Variants in TEX26 observed in about 807,000 individuals in gnomAD.
TEX26 encodes testis-expressed protein 26.
In TEX26, 34 loss-of-function variants were observed where a neutral mutation model predicts 35.3. The observed-to-expected ratio is 0.96, with a 90% CI of 0.73 to 1.28. The LOEUF is 1.28. Among genes scored for constraint, TEX26 ranks in the 50% most tolerant of loss-of-function variants. The probability of loss-of-function intolerance (pLI) is 0.00; values close to 1 mark genes in which losing one functional copy is unlikely to be tolerated. For synonymous variants in TEX26, 136 were observed against 111.8 expected (o/e 1.22, Z -1.36); for missense variants, 371 against 330.1 (o/e 1.12, Z -0.96).
intron 4 of TEX26, among the ~76,000 whole-genome samples, chr13:30,960,851 CAA>C (rs1954313754): frequency 6.6e-6 from 1 of 152,210 alleles, no homozygotes; most frequent in Admixed American, 6.5e-5. Flanking sequence ...TAATAAAACT[CAA>C]GTTTCACTTT....
At chr13:30,969,831 AG>A (rs1954656845) in intron 6 of TEX26, among the ~76,000 whole-genome samples, 1 of 151,006 alleles carries the variant, frequency 6.6e-6, no homozygotes, top group Non-Finnish European at 1.5e-5. Context: ...AAACTGTTAC[AG>A]AAGGAAGTAA....
At chr13:30,938,776 T>C (rs1191839965) in intron 1 of TEX26, among the ~76,000 whole-genome samples, 2 of 152,218 alleles carry the variant, frequency 1.3e-5, no homozygotes, top group African/African-American at 4.8e-5. Flanking sequence ...ACTTTCAGGA[T>C]GCCACTGGCT....
At chr13:30,972,861 T>G (rs1247260877) in intron 6 of TEX26, among the ~76,000 whole-genome samples, 2 of 152,246 alleles carry the variant, frequency 1.3e-5, no homozygotes, top group African/African-American at 4.8e-5. Flanking sequence ...GGTCTCAAAC[T>G]CCTGGCCTCA....
At chr13:30,957,086 A>T in intron 4 of TEX26, 57 bp downstream of exon 4, 1 of 1,548,954 alleles carries the variant, frequency 6.5e-7, no homozygotes, top group Non-Finnish European at 8.8e-7. Flanking sequence ...CTGGAGTTGC[A>T]GTGGTCGGCA....
intron 6 of TEX26, 93 bp downstream of exon 6, chr13:30,969,139 A>C: frequency 8.9e-7 from 1 of 1,128,400 alleles, no homozygotes; most frequent in East Asian, 2.5e-5. Flanking sequence ...CTGGAGTTGA[A>C]TGCCCACAAA....
chr13:30,956,436 C>CAAG (rs1458586237), intron 3 of TEX26, among the ~76,000 whole-genome samples: 3 of 152,090 alleles, frequency 2.0e-5, no homozygotes, highest in Non-Finnish European at 2.9e-5. Context: ...TTGGAGGTGA[C>CAAG]AAGAGAGTGC....
intron 6 of TEX26, among the ~76,000 whole-genome samples, chr13:30,973,869 G>C (rs2138364195): frequency 6.6e-6 from 1 of 152,148 alleles, no homozygotes; most frequent in South Asian, 2.1e-4. Context: ...ATGATTAGAG[G>C]CTGGGTGCGG....
chr13:30,966,149 A>G (rs1954517218), intron 4 of TEX26, 73 bp from the exon 5 acceptor site: 3 of 1,555,216 alleles, frequency 1.9e-6, no homozygotes, highest in Non-Finnish European at 2.6e-6. Flanking sequence ...ATACCTCTAA[A>G]CACAGCAAGA....
chr13:30,956,184 G>A (rs1954121406), intron 3 of TEX26, among the ~76,000 whole-genome samples: 1 of 104,252 alleles, frequency 9.6e-6, no homozygotes. Flanking sequence ...CCCCACAACA[G>A]GCCCCGGTGT....
Position 30,932,748 on chromosome 13 carries a change from C to G in TEX26, c.33C>G (p.Pro11=), listed in dbSNP as rs1471496876. ...AGCCTGGGCCCAGGGCTCCGGATCCCTCTCTCTGCCACCACAACCTCCAGC... is the reference window on the plus strand; with the variant it reads ...AGCCTGGGCCCAGGGCTCCGGATCCGTCTCTCTGCCACCACAACCTCCAGC... The part of the protein sequence containing the change: MEQPGPRAPD[P]SLCHHNLQPT... Residue 11 remains proline, a synonymous_variant, in exon 1 of 7, where the codon CCC becomes CCG. Transcript: ENST00000380473. 1.2e-5 allele frequency: 19 copies of G among 1,613,790 alleles called. No homozygotes were observed. In the East Asian group the frequency reaches 4.0e-4, roughly 34 times the overall value.
Position 30,940,613 on chromosome 13 carries a change from G to A in TEX26, c.146+835G>A, listed in dbSNP as rs1032226363. ...CTTCCCAAGTGTTGGGATTACAGGC[G>A]TGAGCCACCACATCCGGCTGCCCCA... On this transcript the variant is annotated intron_variant, in intron 2 of 6. Transcript: ENST00000380473. Among the ~76,000 whole-genome samples the A allele has an allele frequency of 4.6e-5, 7 of 152,244 alleles. No homozygotes were observed. The East Asian group carries it at 7.7e-4, about 17-fold the overall frequency.
chr13:30,946,964 C>T (rs1250750872), intron 2 of TEX26, among the ~76,000 whole-genome samples: 2 of 151,808 alleles, frequency 1.3e-5, no homozygotes, highest in East Asian at 3.9e-4. Context: ...ACTCTCATTC[C>T]CACTCCACTT....
intron 2 of TEX26, among the ~76,000 whole-genome samples, chr13:30,942,473 G>T (rs1454001646): frequency 6.6e-6 from 1 of 151,954 alleles, no homozygotes; most frequent in African/African-American, 2.4e-5. Flanking sequence ...TGGGTTGTCT[G>T]ATTATTCTAA....
intron 4 of TEX26, among the ~76,000 whole-genome samples, chr13:30,961,283 G>A (rs1954333188): frequency 6.6e-6 from 1 of 152,208 alleles, no homozygotes; most frequent in Non-Finnish European, 1.5e-5. Flanking sequence ...GGAAGGAATA[G>A]TCATATGACT....
At chr13:30,959,500 G>T (rs1269049433) in intron 4 of TEX26, among the ~76,000 whole-genome samples, 1 of 152,118 alleles carries the variant, frequency 6.6e-6, no homozygotes, top group Non-Finnish European at 1.5e-5. Flanking sequence ...AAATTCAATT[G>T]CTAGTGTATA....
At chr13:30,960,594 G>T (rs1242406146) in intron 4 of TEX26, among the ~76,000 whole-genome samples, 6 of 152,034 alleles carry the variant, frequency 3.9e-5, no homozygotes, top group Non-Finnish European at 8.8e-5. Context: ...TTTATTACAG[G>T]TCTCATATTT....
At chr13:30,943,709 T>A (rs1953599574) in intron 2 of TEX26, among the ~76,000 whole-genome samples, 1 of 152,112 alleles carries the variant, frequency 6.6e-6, no homozygotes, top group Non-Finnish European at 1.5e-5. Context: ...TTTTACTGCA[T>A]CTATTGAAAT....
At chr13:30,949,301 G>T (rs1488654198) in intron 2 of TEX26, among the ~76,000 whole-genome samples, 1 of 152,070 alleles carries the variant, frequency 6.6e-6, no homozygotes, top group African/African-American at 2.4e-5. Context: ...TTGATAAAAG[G>T]CTTTTATCAT....
chr13:30,958,168 T>A (rs1313150018), intron 4 of TEX26, among the ~76,000 whole-genome samples: 1 of 152,310 alleles, frequency 6.6e-6, no homozygotes, highest in East Asian at 1.9e-4. Flanking sequence ...GACTGTTTTT[T>A]TGTAGGGTAA....
Sources: allele counts gnomAD v4.1 joint callset (sites outside exome capture counted in the v4.1 genomes callset), GRCh38; gene constraint gnomAD v4.1.1; transcripts MANE v1.5; gene names NCBI Gene and HGNC (gene_info 2026-07-23, HGNC 2026-07-21).